PDE1A: variants seen among roughly 807,000 people sequenced by gnomAD.
PDE1A encodes the protein phosphodiesterase 1A.
A neutral mutation model predicts 61.7 loss-of-function variants in PDE1A; 35 were observed. The ratio of observed to expected loss-of-function variants is 0.57; its 90% CI spans 0.43 to 0.75. The LOEUF is 0.75. Ranked by LOEUF, PDE1A falls within the 30% of genes least tolerant of loss-of-function variation. PDE1A has a pLI of 0.00. For synonymous variants in PDE1A, 232 were observed against 213.2 expected, an observed-to-expected ratio of 1.09 and a Z score of -0.77; for missense variants, 597 against 630.6, an observed-to-expected ratio of 0.95 and a Z score of 0.57.
At chr2:182,186,931 C>T (rs999152708) in intron 11 of PDE1A, among the ~76,000 whole-genome samples, 2 of 152,212 alleles carry the variant, frequency 1.3e-5, no homozygotes, top group African/African-American at 4.8e-5. Flanking sequence ...CCTCTCTCAA[C>T]ACCAGGGATC....
chr2:182,699,848 T>C, the PDE1A span, among the ~76,000 whole-genome samples: 1 of 152,234 alleles, frequency 6.6e-6, no homozygotes, highest in Admixed American at 6.5e-5. Flanking sequence ...TATGACTGTT[T>C]TACAAAGAAG....
At chr2:182,259,680 A>T (rs1692085347) in intron 2 of PDE1A, among the ~76,000 whole-genome samples, 1 of 152,234 alleles carries the variant, frequency 6.6e-6, no homozygotes, top group Admixed American at 6.5e-5. Context: ...TCTAAGCGCT[A>T]ATCATCGAAA....
chr2:182,207,678 G>A (rs1457152406), intron 7 of PDE1A, among the ~76,000 whole-genome samples: 1 of 152,212 alleles, frequency 6.6e-6, no homozygotes, highest in Admixed American at 6.5e-5. Flanking sequence ...GAAACCTAAT[G>A]TTAATAGCCC....
At chr2:182,442,437 G>C (rs969426904) in intron 2 of PDE1A, among the ~76,000 whole-genome samples, 2 of 151,742 alleles carry the variant, frequency 1.3e-5, no homozygotes, top group African/African-American at 4.8e-5. Flanking sequence ...AAGACTATTG[G>C]GACAAAGACA....
At chr2:182,700,202 A>T in the PDE1A span, among the ~76,000 whole-genome samples, 1 of 152,230 alleles carries the variant, frequency 6.6e-6, no homozygotes, top group East Asian at 1.9e-4. Flanking sequence ...CTGAATTGTA[A>T]GAACATCTTA....
At chr2:182,386,350 G>A (rs1362129111) in intron 1 of PDE1A, among the ~76,000 whole-genome samples, 2 of 149,982 alleles carry the variant, frequency 1.3e-5, no homozygotes, top group South Asian at 2.1e-4. Context: ...TGCCCAGTCT[G>A]GGAAGTGAGG....
At chr2:182,533,599 A>T in the PDE1A span, among the ~76,000 whole-genome samples, 1 of 152,168 alleles carries the variant, frequency 6.6e-6, no homozygotes, top group Non-Finnish European at 1.5e-5. Context: ...CTTGAAGTTG[A>T]AAAATCCAGA....
At chr2:182,421,472 C>G (rs1220572911) in intron 1 of PDE1A, among the ~76,000 whole-genome samples, 1 of 152,110 alleles carries the variant, frequency 6.6e-6, no homozygotes, top group Non-Finnish European at 1.5e-5. Context: ...AAAAATACAC[C>G]AAGTTTTCTA....
intron 2 of PDE1A, among the ~76,000 whole-genome samples, chr2:182,510,080 A>C (rs1246419496): frequency 6.6e-6 from 1 of 152,088 alleles, no homozygotes; most frequent in Admixed American, 6.6e-5. Context: ...AATATCAAAA[A>C]TTTGCCTATC....
chr2:182,522,585 TA>T, intron 1 of PDE1A: 2 of 1,369,536 alleles, frequency 1.5e-6, no homozygotes, highest in South Asian at 1.7e-5. Flanking sequence ...ACCACCCCCC[TA>T]AGCAGACAGC....
At chr2:182,150,521 T>G (rs1690721842) in intron 13 of PDE1A, among the ~76,000 whole-genome samples, 1 of 152,188 alleles carries the variant, frequency 6.6e-6, no homozygotes, top group Admixed American at 6.5e-5. Context: ...TCAAAGAAAT[T>G]GCATATAAAC....
chr2:182,227,872 G>C (rs1689262005), intron 6 of PDE1A, among the ~76,000 whole-genome samples: 1 of 152,082 alleles, frequency 6.6e-6, no homozygotes, highest in Non-Finnish European at 1.5e-5. Flanking sequence ...AGACTGATCA[G>C]AGAAAAATGC....
At chr2:182,675,325 T>C in the PDE1A span, among the ~76,000 whole-genome samples, 1 of 152,198 alleles carries the variant, frequency 6.6e-6, no homozygotes, top group Non-Finnish European at 1.5e-5. Context: ...CTATGGTGTA[T>C]ATTTACCACA....
chr2:182,359,333 T>C (rs1199233479), intron 1 of PDE1A, among the ~76,000 whole-genome samples: 2 of 152,154 alleles, frequency 1.3e-5, no homozygotes, highest in Non-Finnish European at 2.9e-5. Flanking sequence ...AAAATGACCA[T>C]GTTAAAACTT....
intron 3 of PDE1A, among the ~76,000 whole-genome samples, chr2:182,237,592 G>C (rs1335691902): frequency 6.6e-6 from 1 of 152,204 alleles, no homozygotes; most frequent in Non-Finnish European, 1.5e-5. Flanking sequence ...CTATTTCACA[G>C]GGCTTATTCC....
intron 1 of PDE1A, among the ~76,000 whole-genome samples, chr2:182,337,219 A>G (rs771735716): frequency 3.9e-5 from 6 of 152,064 alleles, no homozygotes; most frequent in Non-Finnish European, 8.8e-5. Context: ...TGAACAGAAA[A>G]AGATGGAAAG....
intron 1 of PDE1A, among the ~76,000 whole-genome samples, chr2:182,314,827 T>C (rs1267269156): frequency 6.6e-6 from 1 of 152,168 alleles, no homozygotes; most frequent in Non-Finnish European, 1.5e-5. Context: ...ATGCATGCAA[T>C]GTATTATATG....
At chr2:182,405,806 G>C (rs2125482927) in intron 1 of PDE1A, among the ~76,000 whole-genome samples, 1 of 152,002 alleles carries the variant, frequency 6.6e-6, no homozygotes, top group South Asian at 2.1e-4. Flanking sequence ...TGAGGTGATG[G>C]ATATCTTAAT....
intron 1 of PDE1A, among the ~76,000 whole-genome samples, chr2:182,411,525 T>G (rs1702615299): frequency 6.6e-6 from 1 of 152,178 alleles, no homozygotes; most frequent in African/African-American, 2.4e-5. Context: ...GGCTTGGAAT[T>G]TCTGGATATA....
Sources: allele counts gnomAD v4.1 joint callset (sites outside exome capture counted in the v4.1 genomes callset), GRCh38; gene constraint gnomAD v4.1.1; transcripts MANE v1.5; gene names NCBI Gene and HGNC (gene_info 2026-07-23, HGNC 2026-07-21).